The following ADK variants were observed in gnomAD, a reference collection of about 807,000 sequenced individuals.
ADK encodes the protein N6,N6-dimethyladenosine kinase.
A neutral mutation model predicts 44.7 loss-of-function variants in ADK; 24 were observed. The ratio of observed to expected loss-of-function variants is 0.54; its 90% confidence interval spans 0.39 to 0.76. ADK has a LOEUF of 0.76. Ranked by LOEUF, ADK falls within the 30% of genes least tolerant of loss-of-function variation. The pLI is 0.00. For missense variants in ADK, 321 were observed against 425.1 expected (o/e 0.76, Z 2.15); for synonymous variants, 128 against 142.6 (o/e 0.90, Z 0.73).
At chr10:74,340,133 C>T (rs1017686437) in intron 4 of ADK, among the ~76,000 whole-genome samples, 2 of 152,064 alleles carry the variant, frequency 1.3e-5, no homozygotes, top group East Asian at 3.9e-4. Flanking sequence ...TATTCTATTA[C>T]TATAAATTGG....
chr10:74,662,745 C>T (rs1212577359), intron 9 of ADK, among the ~76,000 whole-genome samples: 1 of 152,168 alleles, frequency 6.6e-6, no homozygotes, highest in Non-Finnish European at 1.5e-5. Flanking sequence ...AAGCTTGTTG[C>T]TAGTCTGGGG....
chr10:74,638,802 AT>A (rs1167201769), intron 9 of ADK, among the ~76,000 whole-genome samples: 4 of 151,442 alleles, frequency 2.6e-5, no homozygotes, highest in African/African-American at 9.7e-5. Context: ...GTTTTTTGTT[AT>A]TGTTTTTGTT....
intron 6 of ADK, among the ~76,000 whole-genome samples, chr10:74,518,754 A>G (rs1848695448): frequency 1.3e-5 from 2 of 151,388 alleles, no homozygotes; most frequent in Admixed American, 1.3e-4. Context: ...AAAAACAAAG[A>G]AAATATTAGA....
At chr10:74,584,471 A>C (rs1198482879) in intron 7 of ADK, among the ~76,000 whole-genome samples, 1 of 152,152 alleles carries the variant, frequency 6.6e-6, no homozygotes, top group Non-Finnish European at 1.5e-5. Context: ...ATTGGCTATA[A>C]TTGCTTCCTA....
intron 7 of ADK, among the ~76,000 whole-genome samples, chr10:74,551,153 A>G (rs1222864383): frequency 1.3e-5 from 2 of 152,248 alleles, no homozygotes; most frequent in African/African-American, 2.4e-5. Context: ...ATACAGTTAC[A>G]GCAAAGATGC....
At chr10:74,204,504 A>G (rs112659510) in intron 2 of ADK, among the ~76,000 whole-genome samples, 3,001 of 152,250 alleles carry the variant, frequency 0.02, 45 homozygotes, top group Non-Finnish European at 0.026. Flanking sequence ...CAAATGTCAA[A>G]GGGTAAGGCA....
intron 7 of ADK, among the ~76,000 whole-genome samples, chr10:74,537,518 C>G (rs1008868515): frequency 2.6e-5 from 4 of 152,150 alleles, no homozygotes; most frequent in African/African-American, 9.7e-5. Context: ...ATGCAAGCTG[C>G]TTTGTAGTCA....
At chr10:74,310,821 T>A (rs562857923) in intron 3 of ADK, among the ~76,000 whole-genome samples, 1 of 152,312 alleles carries the variant, frequency 6.6e-6, no homozygotes, top group East Asian at 1.9e-4. Flanking sequence ...TCATGTTTAT[T>A]GTTTTAGCCT....
chr10:74,443,644 A>G lies in ADK; in HGVS notation c.555+45065A>G, dbSNP rs1347378766. On this transcript the variant is annotated intron_variant, in intron 6 of 10. Transcript: ENST00000539909. Reference sequence around the variant, plus strand: ...TGGTGATGGTTACACATCTCCGTCAATATACTAAAAATCACGAATTGTATG... The same window carrying G: ...TGGTGATGGTTACACATCTCCGTCAGTATACTAAAAATCACGAATTGTATG... Among the ~76,000 whole-genome samples, 3 of 152,308 alleles carry G rather than the reference A, an allele frequency of 2.0e-5. No homozygotes were observed. In the South Asian group the frequency reaches 6.2e-4, roughly 32 times the overall value.
At chr10:74,589,569 A>G (rs1200904587) in intron 8 of ADK, among the ~76,000 whole-genome samples, 2 of 152,144 alleles carry the variant, frequency 1.3e-5, no homozygotes. Context: ...TGGGAAGCCA[A>G]GAGGTTGGGC....
At chr10:74,153,578 GTTAA>G (rs1345268726) in intron 1 of ADK, among the ~76,000 whole-genome samples, 2 of 152,196 alleles carry the variant, frequency 1.3e-5, no homozygotes, top group Non-Finnish European at 2.9e-5. Context: ...AGAAGGGAAC[GTTAA>G]TTGAGTGCTA....
intron 9 of ADK, among the ~76,000 whole-genome samples, chr10:74,622,289 G>A (rs541583115): frequency 7.9e-5 from 12 of 152,094 alleles, no homozygotes; most frequent in Non-Finnish European, 1.6e-4. Context: ...CCTCTTACCC[G>A]ACACAGGAAT....
intron 9 of ADK, among the ~76,000 whole-genome samples, chr10:74,637,633 G>A (rs1214859060): frequency 1.3e-5 from 2 of 152,226 alleles, no homozygotes; most frequent in African/African-American, 2.4e-5. Context: ...TAGGGAATCT[G>A]TAGCTCAGAG....
chr10:74,382,318 C>CG (rs1016805666), intron 4 of ADK, among the ~76,000 whole-genome samples: 1 of 152,164 alleles, frequency 6.6e-6, no homozygotes, highest in African/African-American at 2.4e-5. Context: ...AGGCTGGTCT[C>CG]GAACTTCTGA....
At chr10:74,252,319 T>C (rs1845679844) in intron 3 of ADK, among the ~76,000 whole-genome samples, 1 of 152,192 alleles carries the variant, frequency 6.6e-6, no homozygotes, top group Non-Finnish European at 1.5e-5. Context: ...AGGTCTTACA[T>C]GAAATTAGAG....
chr10:74,382,597 C>T (rs1056090229), intron 4 of ADK, among the ~76,000 whole-genome samples: 1 of 151,988 alleles, frequency 6.6e-6, no homozygotes, highest in Non-Finnish European at 1.5e-5. Flanking sequence ...GAGATAAATC[C>T]ATGCTATTTT....
intron 6 of ADK, among the ~76,000 whole-genome samples, chr10:74,431,746 A>G (rs529680836): frequency 6.6e-6 from 1 of 151,640 alleles, no homozygotes; most frequent in African/African-American, 2.4e-5. Flanking sequence ...GTCTCCAATC[A>G]ATCAATCAAT....
At position 74,292,905 on chromosome 10, in the gene ADK, C is replaced by T. The variant is rs146411312; in HGVS notation, c.195-21762C>T. On this transcript the variant is annotated intron_variant, in intron 3 of 10. Coordinates refer to ENST00000539909, the MANE Select transcript of ADK (RefSeq NM_006721.4). The stretch of plus-strand genomic sequence containing the variant: ...ATATCTTGTCAGCACAACAGATTGG[C>T]GGACATTTTAAAAACGTAAGTCAGA... Among the ~76,000 whole-genome samples the T allele has an allele frequency of 1.5e-3, 229 of 152,110 alleles. 1 individual carries two copies. The highest frequency in any genetic ancestry group is 2.9e-3 in the Non-Finnish European group (195 of 67,988).
intron 3 of ADK, among the ~76,000 whole-genome samples, chr10:74,297,184 GTT>G (rs1839848102): frequency 6.6e-6 from 1 of 152,158 alleles, no homozygotes; most frequent in African/African-American, 2.4e-5. Flanking sequence ...TGCATAGTAA[GTT>G]TCTGAAGTGC....
Sources: allele counts gnomAD v4.1 joint callset (sites outside exome capture counted in the v4.1 genomes callset), GRCh38; gene constraint gnomAD v4.1.1; transcripts MANE v1.5; gene names NCBI Gene and HGNC (gene_info 2026-07-23, HGNC 2026-07-21).